Variants in KCNQ3 observed in about 807,000 individuals in gnomAD.
KCNQ3 encodes the protein potassium voltage-gated channel subfamily KQT member 3.
Under a neutral mutation model 92.5 loss-of-function variants are expected in KCNQ3, and 30 were observed. The observed-to-expected ratio is 0.32, with a 90% confidence interval of 0.24 to 0.44. KCNQ3 has a LOEUF of 0.44. KCNQ3 is among the 20% of genes least tolerant of loss of function. KCNQ3 has a pLI of 1.00. For missense variants in KCNQ3, 913 were observed against 1,140.3 expected (o/e 0.80, Z 2.87); for synonymous variants, 450 against 468.8 (o/e 0.96, Z 0.52).
At chr8:132,202,210 C>T (rs1827485825) in intron 1 of KCNQ3, among the ~76,000 whole-genome samples, 1 of 152,056 alleles carries the variant, frequency 6.6e-6, no homozygotes, top group South Asian at 2.1e-4. Context: ...AAAAGAGAGG[C>T]ACCCAGGCAC....
intron 3 of KCNQ3, among the ~76,000 whole-genome samples, chr8:132,180,834 T>TAA (rs1563791356): frequency 4.3e-4 from 13 of 29,974 alleles, no homozygotes; most frequent in African/African-American, 1.6e-3. Context: ...AGAGAGAATG[T>TAA]TAAAAAAAAA....
At position 132,279,044 on chromosome 8, in the gene KCNQ3, C is replaced by T. The variant is rs142093465; in HGVS notation, c.387-92863G>A. Reference sequence around the variant, plus strand: ...CAGTCTGGCCAACATGATGAAACCCCGTCTCTACTAGAAATAAAAAAAAAA... The same window carrying T: ...CAGTCTGGCCAACATGATGAAACCCTGTCTCTACTAGAAATAAAAAAAAAA... On this transcript the variant is annotated intron_variant, in intron 1 of 14. Coordinates refer to ENST00000388996, the MANE Select transcript of KCNQ3 (RefSeq NM_004519.4). Among the ~76,000 whole-genome samples, 722 of 152,022 alleles carry T rather than the reference C, an allele frequency of 4.7e-3. 13 individuals are homozygous for T. The highest frequency in any genetic ancestry group is 0.017 in the African/African-American group (684 of 41,448).
chr8:132,120,873 C>A lies in KCNQ3; in HGVS notation c.*8389G>T, dbSNP rs1824446433. 1 of 152,110 alleles carries A rather than the reference C, an allele frequency of 6.6e-6. No homozygotes were observed. The highest frequency in any genetic ancestry group is 2.4e-5 in the African/African-American group (1 of 41,412). The allele number at this position is 152,110 out of a possible 1,614,324, so 9.4% of individuals were successfully genotyped here. Reference sequence around the variant, plus strand: ...TTCCTCCACATAATCACTGAAATGTCTATTTATTAATAAGTGGTGCAGTAT... The same window carrying A: ...TTCCTCCACATAATCACTGAAATGTATATTTATTAATAAGTGGTGCAGTAT... On this transcript the variant is annotated 3_prime_UTR_variant, in exon 15 of 15. Coordinates refer to ENST00000388996, the MANE Select transcript of KCNQ3 (RefSeq NM_004519.4).
chr8:132,153,988 T>C (rs1484285108), intron 9 of KCNQ3, among the ~76,000 whole-genome samples: 1 of 95,042 alleles, frequency 1.1e-5, no homozygotes. Flanking sequence ...GGGACGCCTT[T>C]GAAAAAAAAT....
chr8:132,467,050 G>A (rs905915901), intron 1 of KCNQ3, among the ~76,000 whole-genome samples: 10 of 152,260 alleles, frequency 6.6e-5, no homozygotes, highest in Middle Eastern at 3.4e-3. Flanking sequence ...CCAGTCCTCC[G>A]TTGCTTCACT....
chr8:132,411,681 C>G (rs115571885), intron 1 of KCNQ3, among the ~76,000 whole-genome samples: 4,098 of 152,260 alleles, frequency 0.027, 202 homozygotes, highest in African/African-American at 0.093. Context: ...CTGTCTCCAC[C>G]TCCCTCCTTT....
chr8:132,174,396 A>G, intron 5 of KCNQ3, 47 bp from the exon 6 acceptor site: 1 of 1,381,684 alleles, frequency 7.2e-7, no homozygotes, highest in Non-Finnish European at 1.0e-6. Flanking sequence ...GGAGAGGAAT[A>G]TCAGGAACGT....
intron 1 of KCNQ3, among the ~76,000 whole-genome samples, chr8:132,384,460 G>GTA (rs1203970546): frequency 7.2e-5 from 11 of 152,192 alleles, no homozygotes; most frequent in Non-Finnish European, 5.9e-5. Flanking sequence ...AAGAGGTCAT[G>GTA]TACAATGGAA....
chr8:132,224,066 C>G (rs1012381300), intron 1 of KCNQ3, among the ~76,000 whole-genome samples: 1 of 144,652 alleles, frequency 6.9e-6, no homozygotes, highest in Non-Finnish European at 1.5e-5. Context: ...CAGACACACA[C>G]CATCATGCCA....
intron 1 of KCNQ3, among the ~76,000 whole-genome samples, chr8:132,348,081 T>C (rs1367340550): frequency 1.3e-5 from 2 of 151,568 alleles, no homozygotes; most frequent in African/African-American, 4.9e-5. Context: ...GTTCTCTGAG[T>C]CTCTATTGCA....
intron 1 of KCNQ3, among the ~76,000 whole-genome samples, chr8:132,323,742 C>A (rs1344421747): frequency 1.3e-5 from 2 of 152,160 alleles, no homozygotes; most frequent in African/African-American, 4.8e-5. Flanking sequence ...GAGTTGAGTT[C>A]TGTCCCCATT....
Position 132,143,661 on chromosome 8 carries a change from A to C in KCNQ3, c.1263-2330T>G, listed in dbSNP as rs1825366033. On this transcript the variant is annotated intron_variant, in intron 9 of 14. Coordinates refer to ENST00000388996, the MANE Select transcript of KCNQ3 (RefSeq NM_004519.4). ...GTTTAAGGGTTAAATGAGGTAATGCATGTCGAGTGCTCAGCCAACTGAGAT... is the reference window on the plus strand; with the variant it reads ...GTTTAAGGGTTAAATGAGGTAATGCCTGTCGAGTGCTCAGCCAACTGAGAT... 1.3e-5 allele frequency among the ~76,000 whole-genome samples: 2 copies of C among 152,196 alleles called. 1 individual carries two copies. Among genetic ancestry groups the C allele is most frequent in the East Asian group, 3.8e-4 (2 of 5,200 alleles).
At chr8:132,373,324 A>G (rs923158518) in intron 1 of KCNQ3, among the ~76,000 whole-genome samples, 1 of 152,164 alleles carries the variant, frequency 6.6e-6, no homozygotes, top group African/African-American at 2.4e-5. Context: ...GCAATAATAA[A>G]ACACCTAACA....
intron 2 of KCNQ3, among the ~76,000 whole-genome samples, chr8:132,185,325 G>C (rs1586811147): frequency 6.6e-6 from 1 of 152,244 alleles, no homozygotes; most frequent in Admixed American, 6.5e-5. Context: ...CCATGCAGTC[G>C]GCATTGCCCT....
intron 1 of KCNQ3, among the ~76,000 whole-genome samples, chr8:132,279,283 G>A (rs1002531260): frequency 6.6e-6 from 1 of 152,088 alleles, no homozygotes; most frequent in Admixed American, 6.6e-5. Context: ...TTTGATCTAG[G>A]GTGTGAACTA....
intron 4 of KCNQ3, among the ~76,000 whole-genome samples, chr8:132,176,694 C>T (rs2130138776): frequency 1.3e-5 from 2 of 152,244 alleles, no homozygotes; most frequent in East Asian, 3.9e-4. Context: ...CTGGGACCAA[C>T]CAAAGAGCAT....
chr8:132,372,404 T>C (rs1013882530), intron 1 of KCNQ3, among the ~76,000 whole-genome samples: 1 of 152,124 alleles, frequency 6.6e-6, no homozygotes, highest in African/African-American at 2.4e-5. Context: ...ATCTGTAAAA[T>C]GGACACCTTA....
chr8:132,172,421 C>T (rs1403749603), intron 7 of KCNQ3, among the ~76,000 whole-genome samples, 177 bp downstream of exon 7: 1 of 151,700 alleles, frequency 6.6e-6, no homozygotes, highest in East Asian at 1.9e-4. Context: ...CACACACACA[C>T]ACACACACAC....
At chr8:132,179,716 T>C (rs1453443549) in intron 4 of KCNQ3, among the ~76,000 whole-genome samples, 8 of 152,052 alleles carry the variant, frequency 5.3e-5, no homozygotes, top group African/African-American at 1.9e-4. Flanking sequence ...CGCAAAAAAT[T>C]CCCAACGTCA....
Sources: allele counts gnomAD v4.1 joint callset (sites outside exome capture counted in the v4.1 genomes callset), GRCh38; gene constraint gnomAD v4.1.1; transcripts MANE v1.5; gene names NCBI Gene and HGNC (gene_info 2026-07-23, HGNC 2026-07-21).